The following DNAJC1 variants were observed in gnomAD, a reference collection of about 807,000 sequenced individuals.
DNAJC1 encodes dnaJ homolog subfamily C member 1.
DNAJC1 carries 58 observed loss-of-function variants against 76.6 expected under a neutral mutation model. The ratio of observed to expected loss-of-function variants is 0.76; its 90% CI spans 0.61 to 0.94. The LOEUF (loss-of-function observed/expected upper bound fraction) is 0.94, where lower values mean the gene tolerates loss of function less well. Ranked by LOEUF, DNAJC1 falls within the 40% of genes least tolerant of loss-of-function variation. The probability of loss-of-function intolerance (pLI) is 0.00; values close to 1 mark genes in which losing one functional copy is unlikely to be tolerated. For synonymous variants in DNAJC1, 258 were observed against 267.9 expected, an observed-to-expected ratio of 0.96 and a Z score of 0.36; for missense variants, 689 against 677.3, an observed-to-expected ratio of 1.02 and a Z score of -0.19.
chr10:21,890,020 G>A (rs1836435307), intron 7 of DNAJC1, among the ~76,000 whole-genome samples: 3 of 152,156 alleles, frequency 2.0e-5, no homozygotes, highest in African/African-American at 7.2e-5. Context: ...TCCTTCTCCT[G>A]CTAATAAAGT....
intron 9 of DNAJC1, among the ~76,000 whole-genome samples, chr10:21,797,586 T>G (rs1328637073): frequency 6.6e-6 from 1 of 152,144 alleles, no homozygotes; most frequent in Non-Finnish European, 1.5e-5. Context: ...AATGCAAAAG[T>G]GTTGAGAGGT....
chr10:21,954,169 G>A (rs569485042), intron 1 of DNAJC1, among the ~76,000 whole-genome samples: 1 of 152,034 alleles, frequency 6.6e-6, no homozygotes, highest in Non-Finnish European at 1.5e-5. Flanking sequence ...ACTTACTCGG[G>A]ATTAATGAAT....
intron 8 of DNAJC1, among the ~76,000 whole-genome samples, chr10:21,879,953 T>G (rs1386605487): frequency 6.6e-6 from 1 of 152,238 alleles, no homozygotes; most frequent in African/African-American, 2.4e-5. Flanking sequence ...CTGTAGCATG[T>G]GATGCTGCTT....
At chr10:21,941,686 A>C (rs991801248) in intron 1 of DNAJC1, among the ~76,000 whole-genome samples, 1 of 152,208 alleles carries the variant, frequency 6.6e-6, no homozygotes, top group Non-Finnish European at 1.5e-5. Context: ...AACAATAAAT[A>C]CAAAAGTATT....
At chr10:21,962,848 T>C (rs1289887124) in intron 1 of DNAJC1, among the ~76,000 whole-genome samples, 1 of 152,128 alleles carries the variant, frequency 6.6e-6, no homozygotes, top group Non-Finnish European at 1.5e-5. Context: ...AAAAAGATCA[T>C]ATAACAATTA....
intron 6 of DNAJC1, 65 bp downstream of exon 6, chr10:21,918,714 A>G (rs1482174086): frequency 8.1e-7 from 1 of 1,236,694 alleles, no homozygotes; most frequent in African/African-American, 1.5e-5. Context: ...CGACATGGGC[A>G]TAAATTATTT....
rs1031764410 is a variant in DNAJC1 at position 21,882,436 on chromosome 10, T to G, written c.824A>C (p.Gln275Pro). ...TRTELETLQK[Q>P]KKVKKPKPEF... ...AGGTTTTGGTTTTTTAACTTTCTTC[T>G]GTTCTAAAAAATGTTTAAAAGAACC... is the stretch of plus-strand genomic sequence containing the variant. Residue 275 changes from glutamine (Q) to proline (P), a missense_variant, in exon 8 of 12, where the codon CAG becomes CCG. Transcript: ENST00000376980. 2.4e-5 allele frequency: 35 copies of G among 1,485,602 alleles called. No individual in the cohort carries two copies. The highest frequency in any genetic ancestry group is 3.0e-5 in the Non-Finnish European group (34 of 1,117,088). The allele number at this position is 1,485,602 out of a possible 1,614,324, so 92.0% of individuals were successfully genotyped here.
At position 21,938,977 on chromosome 10, in the gene DNAJC1, G is replaced by A. The variant is rs569870123; in HGVS notation, c.223-9836C>T. ...GTGACCTCAGTTCACTGCAACCTCC[G>A]CCTCCCAGATTCAAGAGATTCTCTT... On this transcript the variant is annotated intron_variant, in intron 1 of 11. Transcript: ENST00000376980. Among the ~76,000 whole-genome samples the A allele has an allele frequency of 9.7e-4, 148 of 152,234 alleles. 1 individual carries two copies. The South Asian group carries it at 0.012, about 12-fold the overall frequency.
intron 1 of DNAJC1, among the ~76,000 whole-genome samples, chr10:21,945,775 A>C (rs1299941611): frequency 6.6e-6 from 1 of 152,170 alleles, no homozygotes; most frequent in African/African-American, 2.4e-5. Context: ...GAGGTGTCTG[A>C]AAGGTCACAG....
At chr10:21,812,940 G>C (rs1456750084) in intron 8 of DNAJC1, among the ~76,000 whole-genome samples, 6 of 150,786 alleles carry the variant, frequency 4.0e-5, no homozygotes, top group African/African-American at 1.5e-4. Context: ...CAGTGGCTAG[G>C]GCTGACATGT....
chr10:21,807,707 G>T (rs555734979), intron 8 of DNAJC1, among the ~76,000 whole-genome samples: 1 of 149,974 alleles, frequency 6.7e-6, no homozygotes, highest in South Asian at 2.1e-4. Flanking sequence ...TATCCACTAA[G>T]AGCTGAAAGC....
intron 8 of DNAJC1, among the ~76,000 whole-genome samples, chr10:21,849,783 A>C (rs905351181): frequency 3.3e-5 from 5 of 152,324 alleles, no homozygotes; most frequent in Admixed American, 3.3e-4. Context: ...AGTGAGGTTT[A>C]TCCCAGGAAT....
intron 8 of DNAJC1, among the ~76,000 whole-genome samples, chr10:21,820,876 G>A (rs145803641): frequency 6.6e-6 from 1 of 152,260 alleles, no homozygotes; most frequent in Non-Finnish European, 1.5e-5. Context: ...TGGGTGAAGG[G>A]GTGCAGAGCT....
intron 8 of DNAJC1, among the ~76,000 whole-genome samples, chr10:21,858,836 G>A (rs898741260): frequency 6.6e-6 from 1 of 152,048 alleles, no homozygotes; most frequent in Non-Finnish European, 1.5e-5. Context: ...TATTTATGGT[G>A]GAAAATTATT....
chr10:21,828,552 A>G (rs1589999094), intron 8 of DNAJC1, among the ~76,000 whole-genome samples: 1 of 152,202 alleles, frequency 6.6e-6, no homozygotes, highest in Admixed American at 6.5e-5. Context: ...TTAAAGTCTT[A>G]AGATCAAAAA....
At chr10:21,790,326 A>T (rs1241456138) in intron 9 of DNAJC1, among the ~76,000 whole-genome samples, 1 of 152,034 alleles carries the variant, frequency 6.6e-6, no homozygotes, top group African/African-American at 2.4e-5. Context: ...CCCCAAATAG[A>T]TTCAACTCAA....
At chr10:21,991,265 G>GACCTAAT (rs1838322690) in intron 1 of DNAJC1, among the ~76,000 whole-genome samples, 1 of 151,998 alleles carries the variant, frequency 6.6e-6, no homozygotes, top group African/African-American at 2.4e-5. Flanking sequence ...TATCACTAAC[G>GACCTAAT]ACCTAATATA....
At chr10:21,981,430 G>A (rs1323670173) in intron 1 of DNAJC1, among the ~76,000 whole-genome samples, 1 of 152,132 alleles carries the variant, frequency 6.6e-6, no homozygotes, top group African/African-American at 2.4e-5. Flanking sequence ...AGCAAGCAAT[G>A]GAGAAAATCT....
At chr10:21,888,014 T>G (rs1590033951) in intron 7 of DNAJC1, among the ~76,000 whole-genome samples, 1 of 152,036 alleles carries the variant, frequency 6.6e-6, no homozygotes, top group African/African-American at 2.4e-5. Flanking sequence ...CCAGGATCCA[T>G]AAGGAACTTC....
Sources: allele counts gnomAD v4.1 joint callset (sites outside exome capture counted in the v4.1 genomes callset), GRCh38; gene constraint gnomAD v4.1.1; transcripts MANE v1.5; gene names NCBI Gene and HGNC (gene_info 2026-07-23, HGNC 2026-07-21).